CRHR1: variants seen among roughly 807,000 people sequenced by gnomAD.
CRHR1 encodes the protein corticotropin-releasing hormone receptor 1.
Under a neutral mutation model 56.0 loss-of-function variants are expected in CRHR1, and 28 were observed. The observed-to-expected ratio is 0.50, with a 90% confidence interval of 0.37 to 0.69. The LOEUF is 0.69. Ranked by LOEUF, CRHR1 falls within the 30% of genes least tolerant of loss-of-function variation. The pLI is 0.00. For synonymous variants in CRHR1, 195 were observed against 216.5 expected (o/e 0.90, Z 0.87); for missense variants, 376 against 548.0 (o/e 0.69, Z 3.13).
Position 45,830,513 on chromosome 17 carries a change from G to A in CRHR1, c.652G>A (p.Val218Met), listed in dbSNP as rs775232888. The change falls in exon 7 of 13, where the codon GTG becomes ATG. Residue 218 changes from valine to methionine, a missense_variant. By Grantham distance (21) the Val-to-Met change is conservative (BLOSUM62 1). This residue lies in a region of CRHR1 where 369 missense variants were observed against 519.5 expected (regional missense o/e 0.71). Coordinates refer to ENST00000314537, the MANE Select transcript of CRHR1 (RefSeq NM_004382.5). ...GGGCTGCTACCTGCACACAGCCATC[G>A]TGCTCACCTACTCCACTGACCGGCT... Reference protein sequence around the residue: ...GEGCYLHTAIVLTYSTDRLRK... With the variant: ...GEGCYLHTAIMLTYSTDRLRK... 15 of 1,613,626 alleles carry A rather than the reference G, an allele frequency of 9.3e-6. No homozygotes were observed. The African/African-American group carries it at 1.1e-4, about 11-fold the overall frequency.
chr17:45,818,411 G>A (rs1318735741), intron 3 of CRHR1, among the ~76,000 whole-genome samples: 1 of 152,244 alleles, frequency 6.6e-6, no homozygotes, highest in Non-Finnish European at 1.5e-5. Context: ...TTCACTTGCT[G>A]GCCCTGCCTG....
At chr17:45,815,747 GCA>G (rs750406064) in intron 2 of CRHR1, among the ~76,000 whole-genome samples, 1 of 152,186 alleles carries the variant, frequency 6.6e-6, no homozygotes. Context: ...CAAATTAGTG[GCA>G]CAGCCCATTC....
chr17:45,803,129 G>A (rs1259803090), intron 1 of CRHR1, among the ~76,000 whole-genome samples: 1 of 152,142 alleles, frequency 6.6e-6, no homozygotes, highest in Non-Finnish European at 1.5e-5. Context: ...ATGCAGAGTT[G>A]ACCAGGTGAC....
chr17:45,793,410 T>C (rs1056060432), intron 1 of CRHR1, among the ~76,000 whole-genome samples: 2 of 152,168 alleles, frequency 1.3e-5, no homozygotes, highest in African/African-American at 4.8e-5. Flanking sequence ...CAGGGCACTC[T>C]AGCCTCCAAA....
rs865900985 is a variant in CRHR1, at chr17:45,834,902, G to T, written c.*138G>T. 3.5e-4 allele frequency: 393 copies of T among 1,128,476 alleles called. No homozygotes were observed. The Middle Eastern group carries it at 0.012, about 35-fold the overall frequency. 69.9% of individuals were successfully genotyped at this position (1,128,476 alleles called of 1,614,324 possible). On this transcript the variant is annotated 3_prime_UTR_variant, in exon 13 of 13. Coordinates refer to ENST00000314537, the MANE Select transcript of CRHR1 (RefSeq NM_004382.5). ...CAGGAGCAGCTGGCACTGACAGCCT[G>T]GGGGGGCCGCTCTCCCCCTGCAGCC...
intron 8 of CRHR1, 110 bp downstream of exon 8, chr17:45,831,050 G>A: frequency 9.7e-7 from 1 of 1,028,626 alleles, no homozygotes; most frequent in Non-Finnish European, 1.5e-6. Context: ...CAGGACCATG[G>A]TTTCTGCATC....
rs575331287 is a variant in CRHR1 at position 45,825,008 on chromosome 17, A to C, written c.327+3568A>C. Among the ~76,000 whole-genome samples the C allele has an allele frequency of 2.0e-5, 3 of 151,540 alleles. No homozygotes were observed. In the South Asian group the frequency reaches 6.3e-4, roughly 32 times the overall value. On this transcript the variant is annotated intron_variant, in intron 4 of 12. Transcript: ENST00000314537. Reference sequence around the variant, plus strand: ...TGGTGCCTAGCACTCTGGGTAATCGATTAGTTTAATTAGTGAAAATGCCAT... The same window carrying C: ...TGGTGCCTAGCACTCTGGGTAATCGCTTAGTTTAATTAGTGAAAATGCCAT...
intron 1 of CRHR1, 90 bp from the exon 2 acceptor site, chr17:45,806,920 G>A: frequency 8.8e-7 from 1 of 1,137,562 alleles, no homozygotes; most frequent in Non-Finnish European, 1.3e-6. Context: ...CAGGTGCAGT[G>A]TCACCCCTGC....
chr17:45,804,210 C>G (rs2061679160), intron 1 of CRHR1, among the ~76,000 whole-genome samples: 1 of 152,192 alleles, frequency 6.6e-6, no homozygotes, highest in Non-Finnish European at 1.5e-5. Flanking sequence ...TGGCTAACCC[C>G]AGTGCCATCT....
intron 12 of CRHR1, 77 bp from the exon 13 acceptor site, chr17:45,834,547 C>T: frequency 6.6e-7 from 1 of 1,516,742 alleles, no homozygotes; most frequent in Non-Finnish European, 8.8e-7. Context: ...ACCTGCACAG[C>T]TGCTCGTGGC....
Position 45,821,335 on chromosome 17 carries a change from C to T in CRHR1, c.242-20C>T, listed in dbSNP as rs1373730428. 2 of 1,611,730 alleles carry T rather than the reference C, an allele frequency of 1.2e-6. No individual in the cohort carries two copies. The highest frequency in any genetic ancestry group is 2.2e-5 in the East Asian group (1 of 44,896). On this transcript the variant is annotated intron_variant, in intron 3 of 12. Transcript: ENST00000314537. ...GGCCGGGGCTGCCCCGCCATCACTG[C>T]CTCTCTCTTCCTTTTCCAGACAATG...
intron 2 of CRHR1, among the ~76,000 whole-genome samples, chr17:45,813,301 C>T (rs900606761): frequency 1.3e-5 from 2 of 148,508 alleles, no homozygotes; most frequent in Non-Finnish European, 3.0e-5. Flanking sequence ...TTTGGCCACG[C>T]CCCCCCAACC....
At chr17:45,824,583 G>A (rs2062117297) in intron 4 of CRHR1, among the ~76,000 whole-genome samples, 1 of 152,156 alleles carries the variant, frequency 6.6e-6, no homozygotes, top group Non-Finnish European at 1.5e-5. Flanking sequence ...CCAGGACAGG[G>A]GTCTCTACCT....
At chr17:45,811,898 A>G (rs1025280125) in intron 2 of CRHR1, among the ~76,000 whole-genome samples, 18 of 152,184 alleles carry the variant, frequency 1.2e-4, no homozygotes, top group African/African-American at 4.1e-4. Flanking sequence ...CTAGAATGTA[A>G]GCACCATGAG....
chr17:45,795,835 C>T (rs946126949), intron 1 of CRHR1, among the ~76,000 whole-genome samples: 3 of 152,146 alleles, frequency 2.0e-5, no homozygotes, highest in Non-Finnish European at 4.4e-5. Flanking sequence ...AGGACGGGGC[C>T]GTTGCTTGTT....
At chr17:45,816,702 C>A in intron 3 of CRHR1, 120 bp downstream of exon 3, 1 of 1,472,764 alleles carries the variant, frequency 6.8e-7, no homozygotes, top group Non-Finnish European at 9.1e-7. Context: ...GTGGGGATCG[C>A]CCCTGTTTTC....
intron 2 of CRHR1, among the ~76,000 whole-genome samples, chr17:45,807,700 G>T (rs1387149826): frequency 6.6e-6 from 1 of 152,244 alleles, no homozygotes; most frequent in African/African-American, 2.4e-5. Context: ...CCAGCGCCGT[G>T]CTCTGTATCT....
Position 45,834,849 on chromosome 17 carries a change from G to T in CRHR1, c.*85G>T. The T allele has an allele frequency of 6.4e-7, 1 of 1,574,404 alleles. No homozygotes were observed. On this transcript the variant is annotated 3_prime_UTR_variant, in exon 13 of 13. Coordinates refer to ENST00000314537, the MANE Select transcript of CRHR1 (RefSeq NM_004382.5). Reference sequence around the variant, plus strand: ...CCCTGACCACCCTGCCTGTGGAGGTGACCTGTTAGGTCTCATGCCCACTCC... The same window carrying T: ...CCCTGACCACCCTGCCTGTGGAGGTTACCTGTTAGGTCTCATGCCCACTCC...
intron 1 of CRHR1, among the ~76,000 whole-genome samples, chr17:45,791,678 G>C (rs765219933): frequency 1.4e-4 from 21 of 151,924 alleles, no homozygotes; most frequent in Admixed American, 4.6e-4. Flanking sequence ...GAGAGCCTTC[G>C]GCGCAGAGAT....
Sources: allele counts gnomAD v4.1 joint callset (sites outside exome capture counted in the v4.1 genomes callset), GRCh38; gene constraint gnomAD v4.1.1; regional missense constraint gnomAD v4.1.1; transcripts MANE v1.5; gene names NCBI Gene and HGNC (gene_info 2026-07-23, HGNC 2026-07-21).